Variants in SH2D4B observed in about 807,000 individuals in gnomAD.
The protein encoded by SH2D4B is SH2 domain-containing protein 4B.
In SH2D4B, 45 loss-of-function variants were observed where a neutral mutation model predicts 61.5. That is an observed-to-expected ratio of 0.73 (90% CI 0.58 to 0.94). The LOEUF is 0.94. Among genes scored for constraint, SH2D4B ranks in the 40% least tolerant of loss-of-function variants. SH2D4B has a pLI of 0.00. For missense variants in SH2D4B, 572 were observed against 574.2 expected (o/e 1.00, Z 0.04); for synonymous variants, 224 against 220.4 (o/e 1.02, Z -0.14).
At chr10:80,577,473 C>T (rs1317267267) in intron 3 of SH2D4B, among the ~76,000 whole-genome samples, 2 of 151,026 alleles carry the variant, frequency 1.3e-5, no homozygotes, top group African/African-American at 4.9e-5. Context: ...GTCGCCCAGG[C>T]TGGAGTGCAG....
rs7087704 is a variant in SH2D4B, at chr10:80,645,498, G to T, written c.*1413G>T. Reference sequence around the variant, plus strand: ...AATCTGGGATGAATGGGAGTCATAGGCTGGTAGATCGCTTTTTCCTCCTTC... The same window carrying T: ...AATCTGGGATGAATGGGAGTCATAGTCTGGTAGATCGCTTTTTCCTCCTTC... On this transcript the variant is annotated 3_prime_UTR_variant, in exon 8 of 8. Transcript: ENST00000646907. 0.22 allele frequency: 34,144 copies of T among 152,130 alleles called. 4,038 individuals are homozygous for T. Among genetic ancestry groups the T allele is most frequent in the Admixed American group, 0.31 (4,812 of 15,280 alleles). The allele number at this position is 152,130 out of a possible 1,614,324, so 9.4% of individuals were successfully genotyped here.
At chr10:80,602,432 C>T (rs562678937) in intron 4 of SH2D4B, among the ~76,000 whole-genome samples, 1 of 152,286 alleles carries the variant, frequency 6.6e-6, no homozygotes, top group Non-Finnish European at 1.5e-5. Flanking sequence ...CACTGCACTC[C>T]AGCCTGGGTG....
At chr10:80,554,851 T>A (rs1370077394) in intron 1 of SH2D4B, among the ~76,000 whole-genome samples, 3 of 151,574 alleles carry the variant, frequency 2.0e-5, no homozygotes, top group African/African-American at 7.3e-5. Flanking sequence ...CTACTAAAAA[T>A]ACAAAAAATT....
intron 1 of SH2D4B, among the ~76,000 whole-genome samples, chr10:80,561,922 A>G (rs1356100827): frequency 1.3e-5 from 2 of 152,148 alleles, no homozygotes; most frequent in Non-Finnish European, 2.9e-5. Context: ...ACATTTTGCA[A>G]CAGACTGAAT....
intron 6 of SH2D4B, among the ~76,000 whole-genome samples, chr10:80,618,407 A>C (rs1441439777): frequency 1.3e-5 from 2 of 152,130 alleles, no homozygotes; most frequent in Non-Finnish European, 1.5e-5. Context: ...CTTGTGCATA[A>C]ATATATCTGG....
At chr10:80,607,055 T>C (rs936599922) in intron 5 of SH2D4B, among the ~76,000 whole-genome samples, 1 of 152,206 alleles carries the variant, frequency 6.6e-6, no homozygotes. Context: ...CTAATTTATA[T>C]AGAATGATCA....
intron 1 of SH2D4B, among the ~76,000 whole-genome samples, chr10:80,544,750 C>T (rs1841646578): frequency 6.6e-6 from 1 of 152,352 alleles, no homozygotes; most frequent in African/African-American, 2.4e-5. Flanking sequence ...CCTACAATTC[C>T]TTCCCACAGC....
chr10:80,553,908 A>G (rs768157539), intron 1 of SH2D4B, among the ~76,000 whole-genome samples: 1 of 152,228 alleles, frequency 6.6e-6, no homozygotes, highest in East Asian at 1.9e-4. Flanking sequence ...GCTGTTTCCC[A>G]CTTATTAATT....
Position 80,644,296 on chromosome 10 carries a change from A to G in SH2D4B, c.*211A>G. The G allele has an allele frequency of 1.9e-6, 1 of 536,700 alleles. No homozygotes were observed. The highest frequency in any genetic ancestry group is 2.7e-5 in the South Asian group (1 of 37,698). The allele number at this position is 536,700 out of a possible 1,614,324, so 33.2% of individuals were successfully genotyped here. On this transcript the variant is annotated 3_prime_UTR_variant, in exon 8 of 8. Transcript: ENST00000646907. The stretch of plus-strand genomic sequence containing the variant: ...GACAGAAATTGCTAATAGCTCATGC[A>G]ACTCTTTCATGAAGAGCTTAGCTAT...
chr10:80,598,447 A>G (rs990137900), intron 4 of SH2D4B, among the ~76,000 whole-genome samples: 1 of 152,190 alleles, frequency 6.6e-6, no homozygotes, highest in Non-Finnish European at 1.5e-5. Flanking sequence ...AGATGTGATC[A>G]TTCAGGCCCT....
At chr10:80,625,322 G>A (rs932814915) in intron 6 of SH2D4B, among the ~76,000 whole-genome samples, 2 of 152,084 alleles carry the variant, frequency 1.3e-5, no homozygotes, top group Non-Finnish European at 2.9e-5. Context: ...GGTTTCTTTG[G>A]GGGATTGGTT....
chr10:80,572,963 TATATATATATATATATA>T (rs1564771895), intron 3 of SH2D4B, among the ~76,000 whole-genome samples: 2 of 9,484 alleles, frequency 2.1e-4, no homozygotes, highest in African/African-American at 4.3e-4. Context: ...TATATATATA[TATATATATATATATATA>T]TATATATTTT....
At chr10:80,577,341 G>A (rs1397866581) in intron 3 of SH2D4B, among the ~76,000 whole-genome samples, 1 of 152,058 alleles carries the variant, frequency 6.6e-6, no homozygotes, top group African/African-American at 2.4e-5. Flanking sequence ...TGGTGCAGAA[G>A]AGCCACCCAG....
intron 1 of SH2D4B, among the ~76,000 whole-genome samples, chr10:80,550,667 A>G (rs974385246): frequency 5.9e-5 from 9 of 152,226 alleles, no homozygotes; most frequent in African/African-American, 2.2e-4. Flanking sequence ...TGATACATCA[A>G]TGGTTGTAAG....
chr10:80,599,329 G>A (rs930018300), intron 4 of SH2D4B, among the ~76,000 whole-genome samples: 1 of 152,096 alleles, frequency 6.6e-6, no homozygotes, highest in South Asian at 2.1e-4. Flanking sequence ...ATGGGACATC[G>A]TGCAGTTTCT....
chr10:80,589,521 A>G (rs1842301273), intron 4 of SH2D4B, among the ~76,000 whole-genome samples: 2 of 152,172 alleles, frequency 1.3e-5, no homozygotes, highest in African/African-American at 4.8e-5. Flanking sequence ...CCTGGGTAAC[A>G]GAGTGAGACC....
chr10:80,625,061 T>C (rs1842756206), intron 6 of SH2D4B, among the ~76,000 whole-genome samples: 1 of 152,222 alleles, frequency 6.6e-6, no homozygotes, highest in African/African-American at 2.4e-5. Context: ...TTGCTTCATT[T>C]ATTGCTATAT....
chr10:80,572,955 TA>T (rs1842068429), intron 3 of SH2D4B, among the ~76,000 whole-genome samples: 1 of 5,248 alleles, frequency 1.9e-4, no homozygotes, highest in Non-Finnish European at 3.5e-4. Context: ...AATATATATA[TA>T]TATATATATA....
At chr10:80,559,431 C>A (rs578015307) in intron 1 of SH2D4B, among the ~76,000 whole-genome samples, 1 of 152,200 alleles carries the variant, frequency 6.6e-6, no homozygotes, top group South Asian at 2.1e-4. Flanking sequence ...AATTCAGATT[C>A]AGTTGAGACC....
Sources: gnomAD v4.1 joint callset for allele counts (sites outside exome capture counted in the v4.1 genomes callset) on GRCh38, gnomAD v4.1.1 for gene constraint, MANE v1.5 for transcripts, NCBI Gene and HGNC (gene_info 2026-07-23, HGNC 2026-07-21) for gene names.